ATP2B3: variants seen among roughly 807,000 people sequenced by gnomAD.
ATP2B3 encodes plasma membrane calcium-transporting ATPase 3.
A neutral mutation model predicts 70.8 loss-of-function variants in ATP2B3; 12 were observed. The ratio of observed to expected loss-of-function variants is 0.17; its 90% CI spans 0.11 to 0.27. The LOEUF is 0.27. Among genes scored for constraint, ATP2B3 ranks in the 10% least tolerant of loss-of-function variants. The probability of loss-of-function intolerance (pLI) is 1.00; values close to 1 mark genes in which losing one functional copy is unlikely to be tolerated. For synonymous variants in ATP2B3, 460 were observed against 497.8 expected, an observed-to-expected ratio of 0.92 and a Z score of 1.01; for missense variants, 858 against 1,118.5, an observed-to-expected ratio of 0.77 and a Z score of 3.32.
At chrX:153,576,301 TAGC>T (rs1395841584) in intron 21 of ATP2B3, among the ~76,000 whole-genome samples, 9 of 110,880 alleles carry the variant, frequency 8.1e-5, no homozygotes, top group African/African-American at 3.0e-4. Flanking sequence ...AGGCAGGACA[TAGC>T]AGCAGCAATG....
intron 21 of ATP2B3, among the ~76,000 whole-genome samples, chrX:153,571,571 C>G (rs1358067764): frequency 8.9e-6 from 1 of 112,252 alleles, no homozygotes; most frequent in Non-Finnish European, 1.9e-5. Flanking sequence ...TGGATTCCTC[C>G]TGCTTCCTCC....
chrX:153,530,123 A>G lies in ATP2B3; in HGVS notation c.-126-5999A>G, dbSNP rs141552712. 9.3e-3 allele frequency among the ~76,000 whole-genome samples: 1,043 copies of G among 112,614 alleles called. 14 individuals carry two copies. Among genetic ancestry groups the G allele is most frequent in the African/African-American group, 0.033 (1,011 of 31,010 alleles). ...CTATGGGAATTCTACTGCTTTCCACAGTGGCTGCACCGTCTTCCATTCTAT... is the reference window on the plus strand; with the variant it reads ...CTATGGGAATTCTACTGCTTTCCACGGTGGCTGCACCGTCTTCCATTCTAT... On this transcript the variant is annotated intron_variant, in intron 2 of 21. Coordinates refer to ENST00000263519, the MANE Select transcript of ATP2B3 (RefSeq NM_001001344.3).
In ATP2B3 at chrX:153,518,995, G is replaced by A. The variant is rs782215928; in HGVS notation, c.-127+444G>A. Among the ~76,000 whole-genome samples the A allele has an allele frequency of 1.1e-4, 12 of 111,322 alleles. No homozygotes were observed. The South Asian group carries it at 4.2e-3, about 39-fold the overall frequency. ...CAGCCGACTTCCCCTGGCTGACTTG[G>A]GCACCAGTCTGGCAGGCACCCCCTG... On this transcript the variant is annotated intron_variant, in intron 2 of 21. Transcript: ENST00000263519.
At chrX:153,579,201 G>A (rs1474916143) in intron 21 of ATP2B3, among the ~76,000 whole-genome samples, 1 of 112,926 alleles carries the variant, frequency 8.9e-6, no homozygotes, top group African/African-American at 3.2e-5. Context: ...AGCTGGTGAG[G>A]TGGAAGAGGG....
intron 18 of ATP2B3, among the ~76,000 whole-genome samples, chrX:153,560,237 A>T (rs1428388569): frequency 8.9e-6 from 1 of 111,794 alleles, no homozygotes; most frequent in Non-Finnish European, 1.9e-5. Context: ...AGCTGTGTAG[A>T]GTAGGCAGCT....
chrX:153,527,501 T>A (rs1046818094), intron 2 of ATP2B3, among the ~76,000 whole-genome samples: 4 of 112,908 alleles, frequency 3.5e-5, no homozygotes, highest in Admixed American at 9.3e-5. Context: ...GTCATTATGC[T>A]TCCTGCTCCC....
At chrX:153,539,395 C>T (rs984430418) in intron 3 of ATP2B3, among the ~76,000 whole-genome samples, 5 of 112,753 alleles carry the variant, frequency 4.4e-5, no homozygotes, top group Non-Finnish European at 7.5e-5. Flanking sequence ...GCCATGTGGC[C>T]GTCGCCTAGC....
At chrX:153,562,944 T>A (rs782033998) in intron 20 of ATP2B3, among the ~76,000 whole-genome samples, 3 of 111,320 alleles carry the variant, frequency 2.7e-5, no homozygotes, top group Admixed American at 1.9e-4. Context: ...TGTGCTCACA[T>A]GGTGGACAGA....
intron 11 of ATP2B3, 98 bp downstream of exon 11, chrX:153,549,837 G>T: frequency 9.2e-7 from 1 of 1,082,503 alleles, no homozygotes; most frequent in Non-Finnish European, 1.2e-6. Context: ...TGCTCATTAG[G>T]CCCCCCCTTG....
chrX:153,528,321 G>A (rs782014049), intron 2 of ATP2B3, among the ~76,000 whole-genome samples: 10 of 112,283 alleles, frequency 8.9e-5, no homozygotes, highest in Admixed American at 6.6e-4. Flanking sequence ...TGCCTGAGCC[G>A]CATGTGCTCT....
chrX:153,557,907 A>G lies in ATP2B3; in HGVS notation c.2434-205A>G, dbSNP rs782464464. ...GCCCCCCCCCCCACCGTGACATGTGACAACTTACTGTTTGTAGTACAAGAA... is the reference window on the plus strand; with the variant it reads ...GCCCCCCCCCCCACCGTGACATGTGGCAACTTACTGTTTGTAGTACAAGAA... On this transcript the variant is annotated intron_variant, in intron 16 of 21. Coordinates refer to ENST00000263519, the MANE Select transcript of ATP2B3 (RefSeq NM_001001344.3). Among the ~76,000 whole-genome samples, 9 of 104,706 alleles carry G rather than the reference A, an allele frequency of 8.6e-5. No homozygotes were observed. The East Asian group carries it at 2.8e-3, about 32-fold the overall frequency. The allele number at this position is 104,706 out of a possible 115,157, so 90.9% of individuals were successfully genotyped here.
chrX:153,569,152 C>T (rs782439326), intron 21 of ATP2B3: 77 of 353,949 alleles, frequency 2.2e-4, no homozygotes, highest in South Asian at 2.3e-4. Flanking sequence ...CAGAAGCTGG[C>T]GGAGACGGGC....
chrX:153,575,274 C>T (rs1557021061), intron 21 of ATP2B3, among the ~76,000 whole-genome samples: 3 of 112,772 alleles, frequency 2.7e-5, no homozygotes, highest in Non-Finnish European at 5.6e-5. Flanking sequence ...CTGGGTGCAG[C>T]GAGCCAGACA....
chrX:153,564,263 G>A (rs2090668967), intron 20 of ATP2B3, among the ~76,000 whole-genome samples: 1 of 112,971 alleles, frequency 8.9e-6, no homozygotes, highest in African/African-American at 3.2e-5. Context: ...CCCAGCAACG[G>A]TGTGGAGCGA....
At chrX:153,576,706 C>T (rs1467344559) in intron 21 of ATP2B3, among the ~76,000 whole-genome samples, 3 of 111,394 alleles carry the variant, frequency 2.7e-5, no homozygotes, top group Non-Finnish European at 5.7e-5. Context: ...GGGCGTGGCG[C>T]GTCCTGGGCT....
chrX:153,522,758 C>T (rs1335509638), intron 2 of ATP2B3, among the ~76,000 whole-genome samples: 3 of 112,117 alleles, frequency 2.7e-5, no homozygotes, highest in African/African-American at 9.7e-5. Flanking sequence ...CAGACCTCGC[C>T]TCGTGCTGAC....
At chrX:153,559,993 C>A in intron 18 of ATP2B3, 51 bp downstream of exon 18, 1 of 1,132,807 alleles carries the variant, frequency 8.8e-7, no homozygotes, top group Non-Finnish European at 1.2e-6. Flanking sequence ...GTTGCCACCA[C>A]CTCGGGCTCA....
intron 8 of ATP2B3, among the ~76,000 whole-genome samples, chrX:153,547,596 CTCCCGAGAGAACCATCTCTG>C (rs1478429171): frequency 9.0e-6 from 1 of 111,690 alleles, no homozygotes; most frequent in Non-Finnish European, 1.9e-5. Flanking sequence ...GTCCTCCCTT[CTCCCGAGAGAACCATCTCTG>C]TCCCACCTAG....
intron 21 of ATP2B3, among the ~76,000 whole-genome samples, chrX:153,567,704 C>T (rs182271057): frequency 9.0e-6 from 1 of 111,723 alleles, no homozygotes; most frequent in Admixed American, 9.4e-5. Context: ...ATTGTCGGTG[C>T]TCACAGAGAC....
Sources: allele counts gnomAD v4.1 joint callset (sites outside exome capture counted in the v4.1 genomes callset), GRCh38; gene constraint gnomAD v4.1.1; transcripts MANE v1.5; gene names NCBI Gene and HGNC (gene_info 2026-07-23, HGNC 2026-07-21).